The following PCDH15 variants were observed in gnomAD, a reference collection of about 807,000 sequenced individuals.
The protein encoded by PCDH15 is protocadherin related 15.
Under a neutral mutation model 178.5 loss-of-function variants are expected in PCDH15, and 129 were observed. The observed-to-expected ratio is 0.72, with a 90% CI of 0.63 to 0.84. PCDH15 has a LOEUF of 0.84. Among genes scored for constraint, PCDH15 ranks in the 40% least tolerant of loss-of-function variants. The pLI, the probability that PCDH15 is intolerant of heterozygous loss-of-function variation, is 0.00. For missense variants in PCDH15, 2,230 were observed against 2,099.9 expected, an observed-to-expected ratio of 1.06 and a Z score of -1.21; for synonymous variants, 800 against 732.0, an observed-to-expected ratio of 1.09 and a Z score of -1.50.
chr10:54,587,889 C>G (rs1448492196), intron 2 of PCDH15, among the ~76,000 whole-genome samples: 2 of 152,052 alleles, frequency 1.3e-5, no homozygotes, highest in Admixed American at 1.3e-4. Context: ...AAAGAACTGA[C>G]TTTAATTCTT....
At chr10:54,612,916 C>A (rs951619537) in intron 2 of PCDH15, among the ~76,000 whole-genome samples, 1 of 151,600 alleles carries the variant, frequency 6.6e-6, no homozygotes, top group Non-Finnish European at 1.5e-5. Flanking sequence ...AAGGCAATAG[C>A]ATGAATAGAT....
chr10:55,397,388 T>TA (rs1837955452), intron 2 of PCDH15, among the ~76,000 whole-genome samples: 1 of 152,166 alleles, frequency 6.6e-6, no homozygotes, highest in Non-Finnish European at 1.5e-5. Context: ...TGTAATTACT[T>TA]AGTCAATTAA....
At chr10:54,471,714 A>G in intron 3 of PCDH15, among the ~76,000 whole-genome samples, 1 of 151,816 alleles carries the variant, frequency 6.6e-6, no homozygotes, top group Non-Finnish European at 1.5e-5. Flanking sequence ...GAGGTATGAT[A>G]AAAGAGCAAA....
intron 2 of PCDH15, among the ~76,000 whole-genome samples, chr10:54,563,124 G>C (rs548039157): frequency 6.6e-6 from 1 of 152,226 alleles, no homozygotes; most frequent in African/African-American, 2.4e-5. Flanking sequence ...GTGCTATCAA[G>C]GTGGATTTTT....
chr10:55,456,884 A>G (rs2132087630), intron 2 of PCDH15, among the ~76,000 whole-genome samples: 1 of 152,086 alleles, frequency 6.6e-6, no homozygotes, highest in Admixed American at 6.5e-5. Context: ...AATTAGTATT[A>G]GAGGCTTTAT....
chr10:53,809,522 G>A (rs530412749), intron 37 of PCDH15: 2 of 1,606,610 alleles, frequency 1.2e-6, no homozygotes, highest in East Asian at 2.2e-5. Context: ...TCAACCTTTG[G>A]TTTTTTAATT....
intron 2 of PCDH15, among the ~76,000 whole-genome samples, chr10:55,543,789 T>C (rs1415103796): frequency 6.6e-6 from 1 of 151,766 alleles, no homozygotes; most frequent in Admixed American, 6.6e-5. Flanking sequence ...TAATGATAAA[T>C]GTATGAGCTA....
intron 3 of PCDH15, among the ~76,000 whole-genome samples, chr10:54,833,084 C>G (rs1953252583): frequency 6.6e-6 from 1 of 152,086 alleles, no homozygotes; most frequent in African/African-American, 2.4e-5. Context: ...CGTATGTTAT[C>G]TAATTTAATT....
Position 55,301,079 on chromosome 10 carries a change from C to G in PCDH15, c.-156+18520G>C, listed in dbSNP as rs190253622. ...CCATAAACAAACATTTGTGAACAGG[C>G]TTTTGCATTAACATAAATTTTTATT... is the stretch of plus-strand genomic sequence containing the variant. On this transcript the variant is annotated intron_variant, in intron 1 of 5. Transcript: ENST00000458638. Among the ~76,000 whole-genome samples the G allele has an allele frequency of 2.0e-5, 3 of 152,264 alleles. No individual in the cohort carries two copies. The East Asian group carries it at 5.8e-4, about 29-fold the overall frequency.
chr10:54,157,141 G>A (rs2045240417), intron 13 of PCDH15, among the ~76,000 whole-genome samples: 1 of 152,204 alleles, frequency 6.6e-6, no homozygotes, highest in African/African-American at 2.4e-5. Context: ...GAGGACAGTG[G>A]CACTCTTCTC....
At chr10:54,330,401 G>C (rs562810918) in intron 6 of PCDH15, among the ~76,000 whole-genome samples, 1 of 151,996 alleles carries the variant, frequency 6.6e-6, no homozygotes, top group South Asian at 2.1e-4. Flanking sequence ...ACAATGGTCA[G>C]TATTTTCTCT....
intron 3 of PCDH15, among the ~76,000 whole-genome samples, chr10:54,882,357 C>G (rs1954279446): frequency 6.6e-6 from 1 of 151,972 alleles, no homozygotes; most frequent in South Asian, 2.1e-4. Flanking sequence ...GATTTTCCCC[C>G]ATAGTCTCAT....
intron 2 of PCDH15, among the ~76,000 whole-genome samples, chr10:55,452,966 A>T (rs2132083006): frequency 6.6e-6 from 1 of 152,318 alleles, no homozygotes; most frequent in Middle Eastern, 3.4e-3. Flanking sequence ...AAGGTAGAGA[A>T]TAAGCAAGGG....
intron 2 of PCDH15, among the ~76,000 whole-genome samples, chr10:55,153,331 C>A (rs1367016654): frequency 1.3e-5 from 2 of 152,128 alleles, no homozygotes; most frequent in African/African-American, 4.8e-5. Context: ...CTGCTCTTCC[C>A]TTCACCAAGT....
intron 37 of PCDH15, chr10:53,808,876 G>A: frequency 6.2e-7 from 1 of 1,602,724 alleles, no homozygotes; most frequent in Non-Finnish European, 8.5e-7. Flanking sequence ...CACCGAAGCT[G>A]ATTCTGCACT....
intron 2 of PCDH15, among the ~76,000 whole-genome samples, chr10:55,374,501 A>G (rs1186511285): frequency 6.6e-6 from 1 of 152,132 alleles, no homozygotes; most frequent in African/African-American, 2.4e-5. Context: ...GTGATAGGCA[A>G]TAGATATCAC....
At chr10:54,811,721 C>T (rs1157853010) in intron 3 of PCDH15, among the ~76,000 whole-genome samples, 2 of 151,992 alleles carry the variant, frequency 1.3e-5, no homozygotes, top group Non-Finnish European at 1.5e-5. Context: ...CACCCGCCTC[C>T]GCCTCCCAAA....
rs1171477235 is a variant in PCDH15 at position 54,664,276 on chromosome 10, T to C, written c.-14A>G. The C allele has an allele frequency of 2.5e-6, 4 of 1,598,042 alleles. No homozygotes were observed. The highest frequency in any genetic ancestry group is 2.6e-6 in the Non-Finnish European group (3 of 1,167,060). The stretch of plus-strand genomic sequence containing the variant: ...CTGTCGAAACATCTTCTGTCAAAGT[T>C]CACTCAAAGCTGATCTGAAATAAGA... On this transcript the variant is annotated 5_prime_UTR_variant, in exon 2 of 38. Coordinates refer to ENST00000644397, the MANE Select transcript of PCDH15 (RefSeq NM_001384140.1).
chr10:54,075,973 T>C (rs987780007), intron 17 of PCDH15, among the ~76,000 whole-genome samples: 4 of 152,128 alleles, frequency 2.6e-5, no homozygotes, highest in African/African-American at 7.2e-5. Context: ...TTTGTTTTTT[T>C]AAAAAAATTA....
Sources: allele counts gnomAD v4.1 joint callset (sites outside exome capture counted in the v4.1 genomes callset), GRCh38; gene constraint gnomAD v4.1.1; transcripts MANE v1.5; gene names NCBI Gene and HGNC (gene_info 2026-07-23, HGNC 2026-07-21).